Variants in PGPEP1L observed in about 807,000 individuals in gnomAD.
PGPEP1L encodes the protein pyroglutamyl-peptidase I like, also known as pyroglutamyl-peptidase 1-like protein.
A neutral mutation model predicts 6.0 loss-of-function variants in PGPEP1L; 7 were observed. The observed-to-expected ratio is 1.17, with a 90% confidence interval of 0.66 to 2.19. The LOEUF is 2.19. Among genes scored for constraint, PGPEP1L ranks in the 30% most tolerant of loss-of-function variants. The pLI, the probability that PGPEP1L is intolerant of heterozygous loss-of-function variation, is 0.00. For synonymous variants in PGPEP1L, 103 were observed against 83.9 expected (o/e 1.23, Z -1.24); for missense variants, 209 against 192.5 (o/e 1.09, Z -0.51).
chr15:98,968,838 C>G, intron 4 of PGPEP1L, 141 bp from the exon 5 acceptor site: 1 of 797,126 alleles, frequency 1.3e-6, no homozygotes, highest in South Asian at 1.7e-5. Flanking sequence ...TGTTTCACCT[C>G]AGAAAGAACA....
At chr15:98,977,415 T>A (rs2017586200) in intron 2 of PGPEP1L, among the ~76,000 whole-genome samples, 1 of 152,274 alleles carries the variant, frequency 6.6e-6, no homozygotes, top group South Asian at 2.1e-4. Context: ...AAATGCTTGC[T>A]AATTTCCTTT....
chr15:98,999,224 A>T (rs1402209219), intron 2 of PGPEP1L, among the ~76,000 whole-genome samples: 1 of 152,234 alleles, frequency 6.6e-6, no homozygotes, highest in African/African-American at 2.4e-5. Context: ...TATAAAATAC[A>T]TAAAGAACTC....
At chr15:98,993,218 G>T (rs1293440979) in intron 2 of PGPEP1L, among the ~76,000 whole-genome samples, 1 of 152,068 alleles carries the variant, frequency 6.6e-6, no homozygotes, top group Non-Finnish European at 1.5e-5. Context: ...CTGACAAAGG[G>T]CTAATATCCA....
At position 98,971,053 on chromosome 15, in the gene PGPEP1L, C is replaced by A; in HGVS notation, c.-36G>T. The A allele has an allele frequency of 1.9e-6, 3 of 1,613,838 alleles. No homozygotes were observed. The highest frequency in any genetic ancestry group is 2.5e-6 in the Non-Finnish European group (3 of 1,179,816). On this transcript the variant is annotated 5_prime_UTR_variant, in exon 3 of 5. Transcript: ENST00000535714. ...TCACTTACTTGCGGCTGATGATCTT[C>A]CCAGATTCCGGTGACCCTCCGCTTA... is the stretch of plus-strand genomic sequence containing the variant.
chr15:98,971,246 G>T, intron 2 of PGPEP1L, 88 bp from the exon 3 acceptor site: 1 of 1,434,284 alleles, frequency 7.0e-7, no homozygotes, highest in Non-Finnish European at 9.3e-7. Flanking sequence ...CAATCCTTGG[G>T]GTCTACTTCC....
chr15:98,988,715 G>T (rs1043336579), intron 2 of PGPEP1L, among the ~76,000 whole-genome samples: 30 of 152,310 alleles, frequency 2.0e-4, no homozygotes, highest in African/African-American at 7.2e-4. Flanking sequence ...CCCAGTAGGG[G>T]CCGACAGACA....
chr15:98,981,161 C>T (rs1596516681), intron 2 of PGPEP1L, among the ~76,000 whole-genome samples: 1 of 152,054 alleles, frequency 6.6e-6, no homozygotes, highest in Non-Finnish European at 1.5e-5. Flanking sequence ...CTATCAATTC[C>T]TGGCCAGACT....
rs2151753812 is a variant in PGPEP1L, at chr15:98,971,098, G to A, written c.-81C>T. On this transcript the variant is annotated 5_prime_UTR_variant, in exon 3 of 5. Coordinates refer to ENST00000535714, the MANE Select transcript of PGPEP1L (RefSeq NM_001167902.2). ...CGCTTAGCCTCCCTGTAATCTACAG[G>A]CAGCTCCAGAGTCCGCAGCTGCACC... 1 of 1,612,012 alleles carries A rather than the reference G, an allele frequency of 6.2e-7. No individual in the cohort carries two copies. The highest frequency in any genetic ancestry group is 1.1e-5 in the South Asian group (1 of 91,044).
intron 2 of PGPEP1L, among the ~76,000 whole-genome samples, chr15:98,981,521 AAAC>A (rs1334071093): frequency 1.7e-4 from 24 of 142,122 alleles, no homozygotes; most frequent in East Asian, 4.6e-4. Context: ...AACAAAACAA[AAAC>A]AACAAACAAA....
At chr15:98,985,875 C>CAT (rs2151760900) in intron 2 of PGPEP1L, among the ~76,000 whole-genome samples, 1 of 152,372 alleles carries the variant, frequency 6.6e-6, no homozygotes, top group South Asian at 2.1e-4. Context: ...AGTTAGCCTT[C>CAT]ATTGCTGCTT....
intron 2 of PGPEP1L, among the ~76,000 whole-genome samples, chr15:99,004,644 G>A (rs532812442): frequency 3.4e-4 from 52 of 152,306 alleles, no homozygotes; most frequent in African/African-American, 1.1e-3. Flanking sequence ...CTTGAACCCA[G>A]GAGGCGGAGG....
At chr15:98,999,897 C>T (rs2017936398) in intron 2 of PGPEP1L, among the ~76,000 whole-genome samples, 1 of 152,266 alleles carries the variant, frequency 6.6e-6, no homozygotes, top group African/African-American at 2.4e-5. Flanking sequence ...GCAGTCCTTG[C>T]AGCCCTTGCG....
intron 2 of PGPEP1L, among the ~76,000 whole-genome samples, chr15:98,986,788 T>G (rs57917419): frequency 0.019 from 2,891 of 152,078 alleles, 98 homozygotes; most frequent in African/African-American, 0.066. Context: ...GTACACCCAG[T>G]TGGGGTGGAA....
At chr15:98,974,343 C>A in intron 2 of PGPEP1L, among the ~76,000 whole-genome samples, 1 of 152,024 alleles carries the variant, frequency 6.6e-6, no homozygotes, top group East Asian at 1.9e-4. Flanking sequence ...CACAGCACTG[C>A]ACTCCAGCCT....
intron 4 of PGPEP1L, among the ~76,000 whole-genome samples, chr15:98,968,900 A>G (rs1452548983): frequency 2.6e-5 from 4 of 152,080 alleles, no homozygotes; most frequent in Non-Finnish European, 4.4e-5. Context: ...TGGCCTCATG[A>G]CCGGCAAGTG....
At chr15:98,986,133 G>C (rs957060717) in intron 2 of PGPEP1L, among the ~76,000 whole-genome samples, 9 of 152,208 alleles carry the variant, frequency 5.9e-5, no homozygotes, top group Admixed American at 2.6e-4. Context: ...GCATAAGAGA[G>C]AGTATACTTA....
chr15:98,995,006 C>T lies in PGPEP1L; in HGVS notation c.-142+10423G>A, dbSNP rs2017868429. Among the ~76,000 whole-genome samples the T allele has an allele frequency of 3.9e-5, 6 of 152,170 alleles. No homozygotes were observed. The South Asian group carries it at 1.2e-3, about 32-fold the overall frequency. On this transcript the variant is annotated intron_variant, in intron 2 of 4. Coordinates refer to ENST00000535714, the MANE Select transcript of PGPEP1L (RefSeq NM_001167902.2). ...TTGTTTTTGGTATTCTGTAGCTTAA[C>T]TATAATGTGTATCCGTGTGGATCTT...
chr15:99,005,020 T>G (rs549513488), intron 2 of PGPEP1L, among the ~76,000 whole-genome samples: 1 of 152,004 alleles, frequency 6.6e-6, no homozygotes, highest in African/African-American at 2.4e-5. Context: ...GAGGGCCCTG[T>G]GGTTTCTGGG....
chr15:98,968,627 G>C lies in PGPEP1L; in HGVS notation c.280C>G (p.Pro94Ala). Residue 94 changes from proline to alanine, a missense_variant, in exon 5 of 5, where the codon CCT (proline) becomes GCT (alanine). Transcript: ENST00000535714. ...GKGCAALIHV[P>A]PLSRGLPASL... ...GCCGGGAGCCCGCGCGATAGTGGAG[G>C]GACATGGATGAGTGCCGCGCAGCCC... 2 of 1,603,298 alleles carry C rather than the reference G, an allele frequency of 1.2e-6. No homozygotes were observed. The highest frequency in any genetic ancestry group is 1.7e-6 in the Non-Finnish European group (2 of 1,174,692).
Sources: gnomAD v4.1 joint callset for allele counts (sites outside exome capture counted in the v4.1 genomes callset) on GRCh38, gnomAD v4.1.1 for gene constraint, MANE v1.5 for transcripts, NCBI Gene and HGNC (gene_info 2026-07-23, HGNC 2026-07-21) for gene names.